Variants in CNTNAP3B observed in about 807,000 individuals in gnomAD.
The protein encoded by CNTNAP3B is contactin associated protein family member 3B.
CNTNAP3B carries 25 observed loss-of-function variants against 108.9 expected under a neutral mutation model. The ratio of observed to expected loss-of-function variants is 0.23; its 90% CI spans 0.17 to 0.32. The LOEUF is 0.32. Among genes scored for constraint, CNTNAP3B ranks in the 10% least tolerant of loss-of-function variants. The pLI, the probability that CNTNAP3B is intolerant of heterozygous loss-of-function variation, is 1.00. For missense variants in CNTNAP3B, 252 were observed against 1,210.4 expected (o/e 0.21, Z 11.75); for synonymous variants, 103 against 473.4 (o/e 0.22, Z 10.16).
At chr9:42,066,632 T>C (rs1401018606) in intron 3 of CNTNAP3B, among the ~76,000 whole-genome samples, 3 of 131,752 alleles carry the variant, frequency 2.3e-5, no homozygotes, top group Non-Finnish European at 4.8e-5. Context: ...TTTCAGCATG[T>C]TGGCCAGGCT....
In CNTNAP3B at chr9:42,095,854, C is replaced by T. The variant is rs1036533760; in HGVS notation, c.196+8775G>A. 1.8e-4 allele frequency among the ~76,000 whole-genome samples: 24 copies of T among 136,814 alleles called. 4 individuals carry two copies. Among genetic ancestry groups the T allele is most frequent in the South Asian group, 7.2e-4 (3 of 4,176 alleles). 89.8% of individuals were successfully genotyped at this position (136,814 alleles called of 152,430 possible). On this transcript the variant is annotated intron_variant, in intron 2 of 23. Transcript: ENST00000377561. Reference sequence around the variant, plus strand: ...GGCTTTGCTAATTGCCTTGGTAAAGCGGGGAGGGGAGTGTGTTCAAGCCCC... The same window carrying T: ...GGCTTTGCTAATTGCCTTGGTAAAGTGGGGAGGGGAGTGTGTTCAAGCCCC...
At chr9:41,971,051 C>G (rs1825419825) in intron 9 of CNTNAP3B, among the ~76,000 whole-genome samples, 1 of 148,740 alleles carries the variant, frequency 6.7e-6, no homozygotes, top group Admixed American at 6.7e-5. Flanking sequence ...CTACAATCGT[C>G]AGCTAATTTC....
chr9:41,936,977 C>T (rs902706452), intron 14 of CNTNAP3B, among the ~76,000 whole-genome samples: 7 of 152,240 alleles, frequency 4.6e-5, no homozygotes, highest in Admixed American at 2.0e-4. Flanking sequence ...ACTTTTTATG[C>T]CAAATAAATA....
rs1234407175 is a variant in CNTNAP3B, at chr9:41,983,135, C to T, written c.1477+3033G>A. 6.7e-5 allele frequency: 9 copies of T among 135,070 alleles called. 1 individual carries two copies. Among genetic ancestry groups the T allele is most frequent in the African/African-American group, 2.7e-4 (9 of 33,496 alleles). 8.4% of individuals were successfully genotyped at this position (135,070 alleles called of 1,614,324 possible). A position where few individuals can be genotyped will look rare whatever the true frequency, so the allele number is the denominator to read the frequency against. On this transcript the variant is annotated intron_variant, in intron 9 of 23. Coordinates refer to ENST00000377561, the MANE Select transcript of CNTNAP3B (RefSeq NM_001201380.3). ...ATGGAATAATCTGTACCCCAAGCCC[C>T]CATTACATGCAATTTACCTATATAA... is the stretch of plus-strand genomic sequence containing the variant.
Position 42,072,923 on chromosome 9 carries a change from T to A in CNTNAP3B, c.390+3946A>T, listed in dbSNP as rs907337688. 6.5e-4 allele frequency among the ~76,000 whole-genome samples: 89 copies of A among 136,920 alleles called. 17 individuals are homozygous for A. Among genetic ancestry groups the A allele is most frequent in the Non-Finnish European group, 1.2e-3 (76 of 64,352 alleles). The allele number at this position is 136,920 out of a possible 152,430, so 89.8% of individuals were successfully genotyped here. A position where few individuals can be genotyped will look rare whatever the true frequency, so the allele number is the denominator to read the frequency against. ...TGAGTGACTAGGTGGTAATCACATA[T>A]GTTACTATTTTTGCAATAAAACATA... On this transcript the variant is annotated intron_variant, in intron 3 of 23. Coordinates refer to ENST00000377561, the MANE Select transcript of CNTNAP3B (RefSeq NM_001201380.3).
At chr9:42,086,548 G>A (rs1374156439) in intron 2 of CNTNAP3B, among the ~76,000 whole-genome samples, 1 of 124,360 alleles carries the variant, frequency 8.0e-6, no homozygotes, top group Non-Finnish European at 1.7e-5. Context: ...AGGTTCAAGC[G>A]ATTCTCCTGC....
intron 7 of CNTNAP3B, chr9:41,993,906 G>A (rs1471636825): frequency 7.2e-6 from 1 of 139,258 alleles, no homozygotes; most frequent in Non-Finnish European, 1.6e-5. Flanking sequence ...GTTTTTGTGT[G>A]AAACTTACAC....
intron 14 of CNTNAP3B, among the ~76,000 whole-genome samples, chr9:41,934,838 G>C (rs1478371177): frequency 6.6e-5 from 10 of 152,256 alleles, no homozygotes; most frequent in Admixed American, 6.5e-4. Context: ...TATTTATTAT[G>C]ATTATTTGTA....
chr9:42,115,398 A>C (rs1828292215), intron 1 of CNTNAP3B, among the ~76,000 whole-genome samples: 1 of 136,802 alleles, frequency 7.3e-6, no homozygotes, highest in East Asian at 2.2e-4. Context: ...AGATCTGAGA[A>C]TGGAAAGACT....
rs879059390 is a variant in CNTNAP3B at position 42,089,801 on chromosome 9, C to G, written c.197-12739G>C. Among the ~76,000 whole-genome samples the G allele has an allele frequency of 2.4e-4, 24 of 98,446 alleles. 2 individuals carry two copies. Among genetic ancestry groups the G allele is most frequent in the African/African-American group, 9.2e-4 (23 of 24,912 alleles). 64.6% of individuals were successfully genotyped at this position (98,446 alleles called of 152,430 possible). A position where few individuals can be genotyped will look rare whatever the true frequency, so the allele number is the denominator to read the frequency against. ...TGCTCTGTGTTTGCAGTTTATCACACAGGTTTCTAAATTATCCTTGTCTAT... is the reference window on the plus strand; with the variant it reads ...TGCTCTGTGTTTGCAGTTTATCACAGAGGTTTCTAAATTATCCTTGTCTAT... On this transcript the variant is annotated intron_variant, in intron 2 of 23. Transcript: ENST00000377561.
intron 15 of CNTNAP3B, among the ~76,000 whole-genome samples, chr9:41,924,861 T>C (rs1823770612): frequency 6.6e-6 from 1 of 152,290 alleles, no homozygotes; most frequent in African/African-American, 2.4e-5. Context: ...TGTGTACTTT[T>C]GACTTTTTGG....
At chr9:41,950,757 T>C (rs1275402042) in intron 13 of CNTNAP3B, among the ~76,000 whole-genome samples, 4 of 133,108 alleles carry the variant, frequency 3.0e-5, no homozygotes, top group South Asian at 4.6e-4. Flanking sequence ...CTTTTTTTTT[T>C]TTTTTTTTTT....
chr9:41,993,877 T>A lies in CNTNAP3B; in HGVS notation c.1072-2006A>T, dbSNP rs1227771731. On this transcript the variant is annotated intron_variant, in intron 7 of 23. Transcript: ENST00000377561. The stretch of plus-strand genomic sequence containing the variant: ...ACATTATATATCCATATGCACAATT[T>A]GGAATGAATTGTCTTTTTGTTTTTG... The A allele has an allele frequency of 2.4e-5, 3 of 127,002 alleles. No homozygotes were observed. The South Asian group carries it at 7.6e-4, about 32-fold the overall frequency. 7.9% of individuals were successfully genotyped at this position (127,002 alleles called of 1,614,324 possible). A position where few individuals can be genotyped will look rare whatever the true frequency, so the allele number is the denominator to read the frequency against.
At chr9:41,958,235 G>A (rs1215235766) in intron 12 of CNTNAP3B, among the ~76,000 whole-genome samples, 1 of 152,414 alleles carries the variant, frequency 6.6e-6, no homozygotes. Context: ...AGCCTCCCAA[G>A]TAGCTGGGAC....
At position 42,119,339 on chromosome 9, in the gene CNTNAP3B, C is replaced by G. The variant is rs549021721; in HGVS notation, c.85+9671G>C. 1.5e-3 allele frequency among the ~76,000 whole-genome samples: 191 copies of G among 131,592 alleles called. 35 individuals carry two copies. The highest frequency in any genetic ancestry group is 5.8e-3 in the African/African-American group (187 of 32,166). 86.3% of individuals were successfully genotyped at this position (131,592 alleles called of 152,430 possible). Reference sequence around the variant, plus strand: ...TCAATGAAATAAAAGAGGATACAAACAAATGGAAGAACATTCCATGCTCAT... The same window carrying G: ...TCAATGAAATAAAAGAGGATACAAAGAAATGGAAGAACATTCCATGCTCAT... On this transcript the variant is annotated intron_variant, in intron 1 of 23. Transcript: ENST00000377561.
chr9:42,083,094 A>G (rs182021779), intron 2 of CNTNAP3B, among the ~76,000 whole-genome samples: 1,581 of 137,252 alleles, frequency 0.012, 194 homozygotes, highest in Non-Finnish European at 0.015. Flanking sequence ...AAAGGTAAAG[A>G]AAATTATTTT....
At chr9:42,085,814 G>A (rs1181630297) in intron 2 of CNTNAP3B, among the ~76,000 whole-genome samples, 5 of 139,964 alleles carry the variant, frequency 3.6e-5, no homozygotes, top group East Asian at 2.1e-4. Context: ...GGAGTGGGAC[G>A]GCATTCTTCA....
intron 14 of CNTNAP3B, among the ~76,000 whole-genome samples, chr9:41,930,444 G>A (rs1588046227): frequency 6.6e-6 from 1 of 151,676 alleles, no homozygotes; most frequent in East Asian, 1.9e-4. Flanking sequence ...ATGGGAGGCT[G>A]AGGTGGGAGG....
intron 11 of CNTNAP3B, among the ~76,000 whole-genome samples, chr9:41,962,779 C>A (rs1438701846): frequency 2.6e-5 from 4 of 152,114 alleles, no homozygotes; most frequent in African/African-American, 9.7e-5. Flanking sequence ...CATGGCAAAA[C>A]CCCGTCTCTA....
Sources: allele counts gnomAD v4.1 joint callset (sites outside exome capture counted in the v4.1 genomes callset), GRCh38; gene constraint gnomAD v4.1.1; transcripts MANE v1.5; gene names NCBI Gene and HGNC (gene_info 2026-07-23, HGNC 2026-07-21).